SV2B: variants seen among roughly 807,000 people sequenced by gnomAD.
The protein encoded by SV2B is solute carrier family 22 member B2.
In SV2B, 41 loss-of-function variants were observed where a neutral mutation model predicts 73.9. The observed-to-expected ratio is 0.56, with a 90% CI of 0.43 to 0.72. The LOEUF is 0.72. Ranked by LOEUF, SV2B falls within the 30% of genes least tolerant of loss-of-function variation. The probability of loss-of-function intolerance (pLI) is 0.00; values close to 1 mark genes in which losing one functional copy is unlikely to be tolerated. For missense variants in SV2B, 764 were observed against 857.8 expected, an observed-to-expected ratio of 0.89 and a Z score of 1.37; for synonymous variants, 314 against 314.2, an observed-to-expected ratio of 1.00 and a Z score of 0.01.
intron 1 of SV2B, among the ~76,000 whole-genome samples, chr15:91,145,094 G>A (rs1030406981): frequency 2.0e-5 from 3 of 151,994 alleles, no homozygotes; most frequent in African/African-American, 7.3e-5. Context: ...AGGTTATTGA[G>A]CCTAGTACCC....
intron 1 of SV2B, among the ~76,000 whole-genome samples, chr15:91,208,072 A>T (rs752049356): frequency 6.6e-6 from 1 of 152,082 alleles, no homozygotes; most frequent in East Asian, 1.9e-4. Flanking sequence ...CTGTTTTCTC[A>T]ATTTCCAAGG....
chr15:91,213,517 T>G (rs1413974506), intron 1 of SV2B, among the ~76,000 whole-genome samples: 1 of 152,078 alleles, frequency 6.6e-6, no homozygotes, highest in Non-Finnish European at 1.5e-5. Context: ...AAATTTAAAG[T>G]GCTCAACTCA....
rs1271342449 is a variant in SV2B, at chr15:91,223,662, G to A, written c.-391-2211G>A. ...CTGCAAACTCTCCTGCTGTTTACAT[G>A]TGACTTATATTCCGCCGGTGGTCCC... On this transcript the variant is annotated intron_variant, in intron 1 of 12. Coordinates refer to ENST00000394232, the MANE Select transcript of SV2B (RefSeq NM_001323032.3). The surrounding 1 kb of genome is among the most constrained non-coding windows in gnomAD (Gnocchi z 4.6). Among the ~76,000 whole-genome samples the A allele has an allele frequency of 6.6e-6, 1 of 152,168 alleles. No individual in the cohort carries two copies. Among genetic ancestry groups the A allele is most frequent in the East Asian group, 1.9e-4 (1 of 5,204 alleles).
At chr15:91,203,600 T>C (rs1007649970) in intron 1 of SV2B, among the ~76,000 whole-genome samples, 3 of 152,260 alleles carry the variant, frequency 2.0e-5, no homozygotes, top group African/African-American at 7.2e-5. Flanking sequence ...ACGGTTTAGC[T>C]TGGGTTTCAT....
rs2049155746 is a variant in SV2B, at chr15:91,294,564, T to A, written c.*2012T>A. The A allele has an allele frequency of 6.6e-6, 1 of 152,204 alleles. No individual in the cohort carries two copies. The highest frequency in any genetic ancestry group is 6.5e-5 in the Admixed American group (1 of 15,284). 9.4% of individuals were successfully genotyped at this position (152,204 alleles called of 1,614,324 possible). A position where few individuals can be genotyped will look rare whatever the true frequency, so the allele number is the denominator to read the frequency against. On this transcript the variant is annotated 3_prime_UTR_variant, in exon 13 of 13. Coordinates refer to ENST00000394232, the MANE Select transcript of SV2B (RefSeq NM_001323032.3). The surrounding 1 kb of genome is among the most constrained non-coding windows in gnomAD (Gnocchi z 4.1). Reference sequence around the variant, plus strand: ...GATGTAATATAGCTGTAATTTACTTTCCATATGAATACAGTGGCTAGGTTC... The same window carrying A: ...GATGTAATATAGCTGTAATTTACTTACCATATGAATACAGTGGCTAGGTTC...
In SV2B at chr15:91,253,554, A is replaced by G. The variant is rs1289662482; in HGVS notation, c.784+1034A>G. Among the ~76,000 whole-genome samples, 2 of 152,260 alleles carry G rather than the reference A, an allele frequency of 1.3e-5. No homozygotes were observed. The highest frequency in any genetic ancestry group is 4.8e-5 in the African/African-American group (2 of 41,466). Reference sequence around the variant, plus strand: ...CCCTGAAATCTCAGTGTTTTAACACAGTGAAAGCTTCTCCCTTATGTGAGG... The same window carrying G: ...CCCTGAAATCTCAGTGTTTTAACACGGTGAAAGCTTCTCCCTTATGTGAGG... On this transcript the variant is annotated intron_variant, in intron 4 of 12. Coordinates refer to ENST00000394232, the MANE Select transcript of SV2B (RefSeq NM_001323032.3). This position sits in a 1 kb window ranked among gnomAD's most constrained non-coding sequence, Gnocchi z 5.0.
chr15:91,211,368 T>C (rs772214460), intron 1 of SV2B, among the ~76,000 whole-genome samples: 6 of 152,230 alleles, frequency 3.9e-5, no homozygotes, highest in Non-Finnish European at 7.3e-5. Context: ...CATTTGATGA[T>C]AGCCATGGCA....
At position 91,302,197 on chromosome 15, in the gene SV2B, G is replaced by A. The variant is rs1382639010; in HGVS notation, c.*9645G>A. Among the ~76,000 whole-genome samples the A allele has an allele frequency of 6.6e-6, 1 of 152,198 alleles. No individual in the cohort carries two copies. The highest frequency in any genetic ancestry group is 2.4e-5 in the African/African-American group (1 of 41,438). ...ATAGATGATGAATAGACCGATGAATGAGCACATGAGTTGAATGGTGAGGAG... is the reference window on the plus strand; with the variant it reads ...ATAGATGATGAATAGACCGATGAATAAGCACATGAGTTGAATGGTGAGGAG... On this transcript the variant is annotated 3_prime_UTR_variant, in exon 13 of 13. Coordinates refer to ENST00000394232, the MANE Select transcript of SV2B (RefSeq NM_001323032.3).
chr15:91,275,939 G>A (rs1326676966), intron 9 of SV2B, among the ~76,000 whole-genome samples: 2 of 152,018 alleles, frequency 1.3e-5, no homozygotes, highest in South Asian at 2.1e-4. Flanking sequence ...GGAACTTCCC[G>A]TTACTATTTC....
chr15:91,205,879 A>C (rs1187211053), intron 1 of SV2B, among the ~76,000 whole-genome samples: 2 of 152,222 alleles, frequency 1.3e-5, no homozygotes, highest in African/African-American at 4.8e-5. Flanking sequence ...AGAAAGCAGC[A>C]GTCACGCACT....
chr15:91,257,970 G>C (rs1264310409), intron 4 of SV2B, among the ~76,000 whole-genome samples: 3 of 152,164 alleles, frequency 2.0e-5, no homozygotes, highest in Non-Finnish European at 4.4e-5. Context: ...GGCATATGTG[G>C]GTGTAAATTC....
intron 1 of SV2B, among the ~76,000 whole-genome samples, chr15:91,216,437 A>G (rs1375505809): frequency 6.6e-6 from 1 of 152,024 alleles, no homozygotes; most frequent in Admixed American, 6.6e-5. Context: ...CTGAACTTTT[A>G]ATTTAACTTG....
intron 9 of SV2B, among the ~76,000 whole-genome samples, chr15:91,274,302 A>G (rs999679798): frequency 6.6e-6 from 1 of 152,152 alleles, no homozygotes. Context: ...TACGGTGTAT[A>G]TTTAGCTTAT....
At chr15:91,198,702 C>T (rs1015900442) in intron 1 of SV2B, among the ~76,000 whole-genome samples, 3 of 152,208 alleles carry the variant, frequency 2.0e-5, no homozygotes, top group African/African-American at 7.2e-5. Context: ...TAACCCTAGA[C>T]GATACGGAGA....
chr15:91,275,234 T>C (rs1208470305), intron 9 of SV2B, among the ~76,000 whole-genome samples: 6 of 152,180 alleles, frequency 3.9e-5, no homozygotes, highest in Non-Finnish European at 8.8e-5. Flanking sequence ...TTTTAGATTA[T>C]TTTCATAATT....
chr15:91,199,376 G>T (rs2045380515), intron 1 of SV2B, among the ~76,000 whole-genome samples: 1 of 152,160 alleles, frequency 6.6e-6, no homozygotes, highest in African/African-American at 2.4e-5. Flanking sequence ...AGGCCAGTGT[G>T]CTCCGGGGAC....
chr15:91,203,586 T>C (rs1480771887), intron 1 of SV2B, among the ~76,000 whole-genome samples: 1 of 152,256 alleles, frequency 6.6e-6, no homozygotes, highest in Non-Finnish European at 1.5e-5. Context: ...GTGGCAATCT[T>C]GTTACGGTTT....
chr15:91,158,718 C>CTCTTCCCTT (rs2043598824), intron 1 of SV2B, among the ~76,000 whole-genome samples: 1 of 69,934 alleles, frequency 1.4e-5, no homozygotes, highest in African/African-American at 5.5e-5. Context: ...CCTCTCCTCT[C>CTCTTCCCTT]CTCTCCTCTC....
chr15:91,196,493 C>T (rs2045249819), intron 1 of SV2B, among the ~76,000 whole-genome samples: 2 of 152,120 alleles, frequency 1.3e-5, no homozygotes, highest in Non-Finnish European at 2.9e-5. Context: ...GGGCCCAGCA[C>T]TATGAAGGGA....
Sources: allele counts gnomAD v4.1 joint callset (sites outside exome capture counted in the v4.1 genomes callset), GRCh38; gene constraint gnomAD v4.1.1; non-coding constraint Gnocchi (gnomAD v3.1); transcripts MANE v1.5; gene names NCBI Gene and HGNC (gene_info 2026-07-23, HGNC 2026-07-21).